Variants in UBR3 observed in about 807,000 individuals in gnomAD.
UBR3 encodes the protein ubiquitin protein ligase E3 component n-recognin 3.
UBR3 carries 85 observed loss-of-function variants against 243.2 expected under a neutral mutation model. The observed-to-expected ratio is 0.35, with a 90% CI of 0.29 to 0.42. The LOEUF is 0.42. UBR3 is among the 10% of genes least tolerant of loss of function. The pLI is 1.00. For missense variants in UBR3, 1,686 were observed against 2,300.8 expected, an observed-to-expected ratio of 0.73 and a Z score of 5.47; for synonymous variants, 748 against 799.8, an observed-to-expected ratio of 0.94 and a Z score of 1.09.
At chr2:170,040,307 A>G (rs1390022365) in intron 31 of UBR3, among the ~76,000 whole-genome samples, 1 of 150,484 alleles carries the variant, frequency 6.6e-6, no homozygotes, top group Non-Finnish European at 1.5e-5. Context: ...GGTTTTCACC[A>G]TGTTGTCAAT....
chr2:170,081,745 A>C lies in UBR3; in HGVS notation c.5569A>C (p.Ile1857Leu). The C allele has an allele frequency of 6.2e-7, 1 of 1,606,118 alleles. No homozygotes were observed. The highest frequency in any genetic ancestry group is 8.5e-7 in the Non-Finnish European group (1 of 1,176,366). Residue 1857 changes from isoleucine to leucine, a missense_variant, in exon 39 of 39, where the codon ATT (isoleucine) becomes CTT (leucine). By Grantham distance (5) the Ile-to-Leu change is conservative. Around this residue, in one of 8 missense-constraint regions of UBR3, gnomAD observed 89 missense variants for 183.3 expected, o/e 0.49. Transcript: ENST00000272793. ...RDLRRGKPLYICKERYKVLEQ... is the reference protein window; with the variant it reads ...RDLRRGKPLYLCKERYKVLEQ... Reference sequence around the variant, plus strand: ...TTCTAGGCGAGGCAAACCTCTCTACATTTGTAAGGAAAGATACAAAGTTCT... The same window carrying C: ...TTCTAGGCGAGGCAAACCTCTCTACCTTTGTAAGGAAAGATACAAAGTTCT...
intron 8 of UBR3, among the ~76,000 whole-genome samples, chr2:169,902,241 G>C (rs2084852811): frequency 6.6e-6 from 1 of 152,114 alleles, no homozygotes; most frequent in Non-Finnish European, 1.5e-5. Flanking sequence ...CTTCATCACT[G>C]CATCTTTTTG....
At position 170,074,007 on chromosome 2, in the gene UBR3, C is replaced by T. The variant is rs141052830; in HGVS notation, c.5199+400C>T. ...TCTTTAACTTTAAAATTTCTTGGGC[C>T]TATGCTACCAGCTCAGCTAGTTAAA... On this transcript the variant is annotated intron_variant, in intron 36 of 38. Coordinates refer to ENST00000272793, the MANE Select transcript of UBR3 (RefSeq NM_172070.4). 5.8e-3 allele frequency among the ~76,000 whole-genome samples: 876 copies of T among 152,184 alleles called. 7 individuals are homozygous for T. The highest frequency in any genetic ancestry group is 0.02 in the African/African-American group (828 of 41,520).
chr2:169,905,075 A>G (rs2084965534), intron 8 of UBR3, 39 bp from the exon 9 acceptor site: 4 of 1,415,716 alleles, frequency 2.8e-6, no homozygotes, highest in Non-Finnish European at 3.7e-6. Flanking sequence ...TTTTAAAAAA[A>G]TCTTATGAAA....
intron 30 of UBR3, among the ~76,000 whole-genome samples, chr2:170,028,222 A>G (rs1470125495): frequency 6.6e-6 from 1 of 151,326 alleles, no homozygotes; most frequent in African/African-American, 2.4e-5. Context: ...TACAGCTCCC[A>G]TATGTTTTAT....
chr2:169,881,983 A>G (rs1333077590), intron 5 of UBR3, among the ~76,000 whole-genome samples: 1 of 114,404 alleles, frequency 8.7e-6, no homozygotes, highest in Non-Finnish European at 1.8e-5. Flanking sequence ...TATATTATAT[A>G]TGTATATGTA....
intron 24 of UBR3, among the ~76,000 whole-genome samples, chr2:169,966,775 A>C (rs1384873718): frequency 6.6e-6 from 1 of 152,202 alleles, no homozygotes; most frequent in Non-Finnish European, 1.5e-5. Flanking sequence ...AAATGCTTAG[A>C]ATAGAATGGT....
At chr2:170,032,683 A>T (rs1471620526) in intron 31 of UBR3, among the ~76,000 whole-genome samples, 1 of 136,414 alleles carries the variant, frequency 7.3e-6, no homozygotes, top group Non-Finnish European at 1.5e-5. Context: ...GATTAGATTC[A>T]GGTTATAACC....
intron 1 of UBR3, among the ~76,000 whole-genome samples, chr2:169,856,087 C>T (rs58524079): frequency 0.2 from 29,479 of 149,612 alleles, 3,306 homozygotes; most frequent in African/African-American, 0.3. Context: ...GGGCGGCTGC[C>T]GGGCGGAGGG....
chr2:170,059,090 A>G (rs976805333), intron 33 of UBR3, among the ~76,000 whole-genome samples: 2 of 152,118 alleles, frequency 1.3e-5, no homozygotes, highest in Non-Finnish European at 2.9e-5. Flanking sequence ...ATCTTTCTTA[A>G]GCTTCAAGAG....
intron 24 of UBR3, among the ~76,000 whole-genome samples, chr2:169,963,457 A>G (rs11695903): frequency 0.17 from 25,187 of 151,804 alleles, 2,247 homozygotes; most frequent in Admixed American, 0.22. Context: ...CTACCACTTC[A>G]TCCTTTTTCT....
intron 19 of UBR3, among the ~76,000 whole-genome samples, chr2:169,942,207 T>TCTC: frequency 6.6e-6 from 1 of 152,312 alleles, no homozygotes; most frequent in East Asian, 1.9e-4. Context: ...CCTTGCTGAG[T>TCTC]ACTTCATGTG....
intron 3 of UBR3, among the ~76,000 whole-genome samples, chr2:169,876,433 G>T (rs2105312917): frequency 6.6e-6 from 1 of 152,266 alleles, no homozygotes; most frequent in Admixed American, 6.5e-5. Context: ...AAATGAAATG[G>T]CCTGTTTAAA....
intron 24 of UBR3, chr2:169,964,517 G>A (rs1213727259): frequency 2.2e-6 from 1 of 459,604 alleles, no homozygotes; most frequent in Non-Finnish European, 4.5e-6. Flanking sequence ...AGGGAAGGAG[G>A]AAAGAATGGA....
At chr2:170,012,553 G>A (rs536533367) in intron 29 of UBR3, among the ~76,000 whole-genome samples, 2 of 152,094 alleles carry the variant, frequency 1.3e-5, no homozygotes, top group Non-Finnish European at 2.9e-5. Context: ...GGGAAGATGA[G>A]CAAATTGAAA....
At chr2:169,835,921 G>T (rs893329317) in intron 1 of UBR3, among the ~76,000 whole-genome samples, 31 of 147,382 alleles carry the variant, frequency 2.1e-4, no homozygotes, top group African/African-American at 6.8e-4. Flanking sequence ...ACCAAAGAAA[G>T]GTCAACCCAC....
intron 26 of UBR3, among the ~76,000 whole-genome samples, chr2:169,999,230 C>T (rs1402034081): frequency 6.6e-6 from 1 of 152,140 alleles, no homozygotes; most frequent in Admixed American, 6.5e-5. Context: ...GATCTAACTC[C>T]AAAATCTGCT....
chr2:169,882,328 ATG>A (rs1399069940), intron 5 of UBR3, among the ~76,000 whole-genome samples: 11 of 140,172 alleles, frequency 7.8e-5, no homozygotes, highest in African/African-American at 2.9e-4. Flanking sequence ...TATATTATAT[ATG>A]TATTATATAA....
At chr2:169,912,424 C>G (rs1011453607) in intron 10 of UBR3, among the ~76,000 whole-genome samples, 11 of 152,078 alleles carry the variant, frequency 7.2e-5, no homozygotes, top group African/African-American at 2.7e-4. Flanking sequence ...ATAAATCTAC[C>G]TAGTTTGGAC....
Sources: gnomAD v4.1 joint callset for allele counts (sites outside exome capture counted in the v4.1 genomes callset) on GRCh38, gnomAD v4.1.1 for gene constraint, gnomAD v4.1.1 regional missense constraint, MANE v1.5 for transcripts, NCBI Gene and HGNC (gene_info 2026-07-23, HGNC 2026-07-21) for gene names.